The following ACOT13 variants were observed in gnomAD, a reference collection of about 807,000 sequenced individuals.
ACOT13 encodes the protein acyl-coenzyme A thioesterase 13.
In ACOT13, 10 loss-of-function variants were observed where a neutral mutation model predicts 11.8. The observed-to-expected ratio is 0.85, with a 90% CI of 0.53 to 1.44. ACOT13 has a LOEUF of 1.44. ACOT13 is among the 40% of genes most tolerant of loss of function. The pLI is 0.00. For missense variants in ACOT13, 172 were observed against 174.1 expected (o/e 0.99, Z 0.07); for synonymous variants, 53 against 61.0 (o/e 0.87, Z 0.61).
chr6:24,692,412 C>A (rs1343787155), intron 1 of ACOT13, among the ~76,000 whole-genome samples: 1 of 152,100 alleles, frequency 6.6e-6, no homozygotes, highest in Non-Finnish European at 1.5e-5. Flanking sequence ...AATAAGGATG[C>A]AAATTAAAGT....
intron 1 of ACOT13, among the ~76,000 whole-genome samples, chr6:24,691,818 G>A (rs1032660196): frequency 3.9e-5 from 6 of 152,144 alleles, no homozygotes; most frequent in Admixed American, 6.5e-5. Context: ...TTTGACTTAC[G>A]ATGAGGTCGC....
chr6:24,686,959 G>T (rs1368798612), intron 1 of ACOT13, among the ~76,000 whole-genome samples: 2 of 152,116 alleles, frequency 1.3e-5, no homozygotes, highest in Non-Finnish European at 2.9e-5. Context: ...AGCAAGAGGG[G>T]CACCAAACCA....
chr6:24,667,452 C>A (rs1272601142), intron 1 of ACOT13, 108 bp downstream of exon 1: 2 of 975,486 alleles, frequency 2.1e-6, no homozygotes, highest in Non-Finnish European at 3.2e-6. Flanking sequence ...AGGTTGTGTT[C>A]TAGTACGCCT....
Position 24,703,635 on chromosome 6 carries a change from T to C in ACOT13, c.*2020T>C, listed in dbSNP as rs1377370193. The C allele has an allele frequency of 1.3e-5, 2 of 152,340 alleles. No homozygotes were observed. Among genetic ancestry groups the C allele is most frequent in the East Asian group, 3.9e-4 (2 of 5,190 alleles). The allele number at this position is 152,340 out of a possible 1,614,324, so 9.4% of individuals were successfully genotyped here. ...CTGTAAATGGACAAAGCATTAGATT[T>C]GGAAAATCACTATTTTGTAACCATC... On this transcript the variant is annotated 3_prime_UTR_variant, in exon 3 of 3. Transcript: ENST00000230048.
At chr6:24,673,129 TCA>T (rs1778389298) in intron 1 of ACOT13, among the ~76,000 whole-genome samples, 1 of 152,186 alleles carries the variant, frequency 6.6e-6, no homozygotes, top group Non-Finnish European at 1.5e-5. Flanking sequence ...TTTTTTAATC[TCA>T]GTTTTTTCCT....
intron 1 of ACOT13, among the ~76,000 whole-genome samples, chr6:24,690,533 ATTTC>A (rs1377476840): frequency 6.6e-6 from 1 of 152,180 alleles, no homozygotes; most frequent in Non-Finnish European, 1.5e-5. Flanking sequence ...AAATATAGTG[ATTTC>A]TTTTTTAATC....
At chr6:24,681,337 G>T (rs886995265) in intron 1 of ACOT13, among the ~76,000 whole-genome samples, 4 of 152,210 alleles carry the variant, frequency 2.6e-5, no homozygotes, top group African/African-American at 9.7e-5. Flanking sequence ...ATTTTTTATA[G>T]GAAAGCTACA....
intron 1 of ACOT13, among the ~76,000 whole-genome samples, chr6:24,673,575 A>G (rs12200354): frequency 0.39 from 59,804 of 152,014 alleles, 12,787 homozygotes; most frequent in Non-Finnish European, 0.5. Flanking sequence ...TGGCCGGGCT[A>G]GTCTACAACT....
rs1778793364 is a variant in ACOT13 at position 24,696,296 on chromosome 6, C to CAT, written c.82-1581_82-1580dup. Among the ~76,000 whole-genome samples the CAT allele has an allele frequency of 2.0e-5, 3 of 152,258 alleles. No individual in the cohort carries two copies. In the South Asian group the frequency reaches 6.2e-4, roughly 32 times the overall value. Reference sequence around the variant, plus strand: ...GTGGGAGTCATACCTAGAGGTTACTCATATATAGTTAGTGATTGGGAGATG... The same window carrying CAT: ...GTGGGAGTCATACCTAGAGGTTACTCATATATATAGTTAGTGATTGGGAGATG... On this transcript the variant is annotated intron_variant, in intron 1 of 2. Coordinates refer to ENST00000230048, the MANE Select transcript of ACOT13 (RefSeq NM_018473.4).
At chr6:24,681,678 C>G (rs1778553177) in intron 1 of ACOT13, among the ~76,000 whole-genome samples, 1 of 152,052 alleles carries the variant, frequency 6.6e-6, no homozygotes, top group African/African-American at 2.4e-5. Flanking sequence ...ATACCTGAAT[C>G]AGGAGGGACA....
chr6:24,685,163 T>G (rs1293403464), intron 1 of ACOT13, among the ~76,000 whole-genome samples: 1 of 152,202 alleles, frequency 6.6e-6, no homozygotes, highest in Admixed American at 6.5e-5. Context: ...GCTGTTGAAC[T>G]GTACAGATTG....
chr6:24,682,624 C>T (rs1319732647), intron 1 of ACOT13, among the ~76,000 whole-genome samples: 1 of 152,012 alleles, frequency 6.6e-6, no homozygotes, highest in Non-Finnish European at 1.5e-5. Context: ...AGGAGCACAG[C>T]GGACACCCTG....
At chr6:24,668,345 A>C (rs1397858304) in intron 1 of ACOT13, among the ~76,000 whole-genome samples, 2 of 151,234 alleles carry the variant, frequency 1.3e-5, no homozygotes, top group Admixed American at 6.6e-5. Context: ...CAGCCTTCCA[A>C]GTAGCTGGGA....
intron 1 of ACOT13, among the ~76,000 whole-genome samples, chr6:24,674,104 C>T (rs1023722284): frequency 2.0e-5 from 3 of 152,116 alleles, no homozygotes; most frequent in Non-Finnish European, 2.9e-5. Context: ...CTCTGGCACC[C>T]AGGCTGGAAG....
At position 24,704,598 on chromosome 6, in the gene ACOT13, G is replaced by A. The variant is rs1035522597; in HGVS notation, c.*2983G>A. 9 of 152,168 alleles carry A rather than the reference G, an allele frequency of 5.9e-5. No individual in the cohort carries two copies. Among genetic ancestry groups the A allele is most frequent in the Non-Finnish European group, 1.0e-4 (7 of 68,034 alleles). The allele number at this position is 152,168 out of a possible 1,614,324, so 9.4% of individuals were successfully genotyped here. A position where few individuals can be genotyped will look rare whatever the true frequency, so the allele number is the denominator to read the frequency against. ...AACATTCAAAATGTTATTTCAAATA[G>A]ATTCTAATTTTTAAATAAGAGGACA... On this transcript the variant is annotated 3_prime_UTR_variant, in exon 3 of 3. Transcript: ENST00000230048.
chr6:24,675,492 A>AT (rs1463096688), intron 1 of ACOT13, among the ~76,000 whole-genome samples: 2 of 152,034 alleles, frequency 1.3e-5, no homozygotes, highest in Middle Eastern at 6.3e-3. Flanking sequence ...GATGAAGAGC[A>AT]TTTTTTCATG....
chr6:24,686,211 G>T (rs767929390), intron 1 of ACOT13, among the ~76,000 whole-genome samples: 5 of 152,150 alleles, frequency 3.3e-5, no homozygotes, highest in South Asian at 4.1e-4. Flanking sequence ...TTGCAAGGAA[G>T]AGTCCCATCA....
At chr6:24,686,848 C>T (rs1419962574) in intron 1 of ACOT13, among the ~76,000 whole-genome samples, 4 of 152,162 alleles carry the variant, frequency 2.6e-5, no homozygotes, top group African/African-American at 4.8e-5. Flanking sequence ...ACCACAGGGG[C>T]GTGCCACCAT....
At chr6:24,672,513 T>C (rs1778380980) in intron 1 of ACOT13, among the ~76,000 whole-genome samples, 1 of 152,040 alleles carries the variant, frequency 6.6e-6, no homozygotes, top group Non-Finnish European at 1.5e-5. Context: ...GTGGCACGCG[T>C]CTGTAGTCCC....
Sources: allele counts gnomAD v4.1 joint callset (sites outside exome capture counted in the v4.1 genomes callset), GRCh38; gene constraint gnomAD v4.1.1; transcripts MANE v1.5; gene names NCBI Gene and HGNC (gene_info 2026-07-23, HGNC 2026-07-21).